RANBP2: variants seen among roughly 807,000 people sequenced by gnomAD.
RANBP2 encodes E3 SUMO-protein ligase RanBP2.
A neutral mutation model predicts 303.6 loss-of-function variants in RANBP2; 57 were observed. The observed-to-expected ratio is 0.19, with a 90% CI of 0.15 to 0.23. RANBP2 has a LOEUF of 0.23. Ranked by LOEUF, RANBP2 falls within the 10% of genes least tolerant of loss-of-function variation. RANBP2 has a pLI of 1.00. For synonymous variants in RANBP2, 1,167 were observed against 1,301.5 expected, an observed-to-expected ratio of 0.90 and a Z score of 2.23; for missense variants, 3,138 against 3,780.8, an observed-to-expected ratio of 0.83 and a Z score of 4.46.
At chr2:109,461,857 G>A in the RANBP2 span, among the ~76,000 whole-genome samples, 1 of 152,166 alleles carries the variant, frequency 6.6e-6, no homozygotes, top group African/African-American at 2.4e-5. Flanking sequence ...AATTTTGGGG[G>A]TCACTTAATA....
At chr2:109,064,658 T>G in the RANBP2 span, among the ~76,000 whole-genome samples, 5 of 152,210 alleles carry the variant, frequency 3.3e-5, no homozygotes, top group South Asian at 1.0e-3. Context: ...AAAAAGTGGA[T>G]TTTTAAACAG....
At chr2:109,057,680 G>A in the RANBP2 span, among the ~76,000 whole-genome samples, 1 of 152,244 alleles carries the variant, frequency 6.6e-6, no homozygotes, top group South Asian at 2.1e-4. Context: ...CTGTTTCTAA[G>A]TAGAATGCAT....
the RANBP2 span, among the ~76,000 whole-genome samples, chr2:109,086,026 T>C: frequency 2.0e-5 from 3 of 152,252 alleles, no homozygotes; most frequent in African/African-American, 7.2e-5. Flanking sequence ...AATCATACCA[T>C]ATTTGTCCTT....
At chr2:109,185,603 T>C in the RANBP2 span, among the ~76,000 whole-genome samples, 4 of 152,052 alleles carry the variant, frequency 2.6e-5, no homozygotes, top group Non-Finnish European at 4.4e-5. Flanking sequence ...GCCTTTGGGG[T>C]TGGCAGAGAA....
At chr2:108,963,463 G>A in the RANBP2 span, among the ~76,000 whole-genome samples, 1 of 152,154 alleles carries the variant, frequency 6.6e-6, no homozygotes, top group Non-Finnish European at 1.5e-5. Flanking sequence ...GGATTCACGT[G>A]CACTTGTAAG....
At chr2:108,889,559 T>TC in the RANBP2 span, among the ~76,000 whole-genome samples, 4 of 151,714 alleles carry the variant, frequency 2.6e-5, no homozygotes, top group Non-Finnish European at 5.9e-5. Context: ...TCTTTTCTTT[T>TC]TTTTTTTTCA....
At chr2:109,596,074 T>G in the RANBP2 span, among the ~76,000 whole-genome samples, 2 of 152,112 alleles carry the variant, frequency 1.3e-5, no homozygotes, top group African/African-American at 4.8e-5. Context: ...CACTATTGCT[T>G]AAGCTAGAGT....
chr2:109,458,001 G>A, the RANBP2 span, among the ~76,000 whole-genome samples: 1 of 152,148 alleles, frequency 6.6e-6, no homozygotes. Context: ...GCTGGGTTCG[G>A]CATTCTATTT....
the RANBP2 span, among the ~76,000 whole-genome samples, chr2:109,340,267 T>C: frequency 1.3e-5 from 2 of 152,068 alleles, no homozygotes; most frequent in Non-Finnish European, 2.9e-5. Flanking sequence ...GCAGATAATA[T>C]AAGGCCAAGC....
chr2:108,753,647 G>A, intron 14 of RANBP2, 84 bp downstream of exon 14: 1 of 1,594,574 alleles, frequency 6.3e-7, no homozygotes, highest in Non-Finnish European at 8.5e-7. Context: ...TGTTGGTCGG[G>A]CTAGAGTGCA....
the RANBP2 span, among the ~76,000 whole-genome samples, chr2:109,705,157 C>T: frequency 4.6e-5 from 7 of 151,846 alleles, no homozygotes; most frequent in South Asian, 1.5e-3. Flanking sequence ...GTAATCCCAC[C>T]ACTTTGGGAG....
At chr2:109,564,586 C>T in the RANBP2 span, 2 of 1,415,052 alleles carry the variant, frequency 1.4e-6, no homozygotes, top group East Asian at 4.8e-5. Flanking sequence ...ATTCCTGGCA[C>T]ACAACTAAGT....
the RANBP2 span, among the ~76,000 whole-genome samples, chr2:109,167,698 A>T: frequency 2.0e-5 from 3 of 152,146 alleles, no homozygotes. Flanking sequence ...CAGCCTCCCG[A>T]GTAGCTGGGA....
At chr2:108,724,702 CTT>C (rs763816648) in intron 1 of RANBP2, among the ~76,000 whole-genome samples, 1 of 151,964 alleles carries the variant, frequency 6.6e-6, no homozygotes, top group Admixed American at 6.6e-5. Context: ...TTATTCTCCT[CTT>C]TTGTTTGTTC....
the RANBP2 span, chr2:109,545,410 T>C: frequency 6.5e-7 from 1 of 1,535,846 alleles, no homozygotes; most frequent in Non-Finnish European, 8.7e-7. Flanking sequence ...CTTGCGATTA[T>C]CATCCACATG....
chr2:108,974,013 T>C, the RANBP2 span, among the ~76,000 whole-genome samples: 10 of 152,004 alleles, frequency 6.6e-5, no homozygotes, highest in African/African-American at 2.2e-4. Context: ...ATTCTCCAAA[T>C]AGAAATAATA....
At chr2:109,771,639 G>T in the RANBP2 span, among the ~76,000 whole-genome samples, 1 of 20,486 alleles carries the variant, frequency 4.9e-5, no homozygotes, top group South Asian at 3.3e-3. Flanking sequence ...AATATGAACG[G>T]AACACCTGAG....
chr2:109,241,079 T>C, the RANBP2 span, among the ~76,000 whole-genome samples: 2 of 152,200 alleles, frequency 1.3e-5, no homozygotes, highest in Non-Finnish European at 2.9e-5. Context: ...TAAGTGGCCT[T>C]AGTAGTAAGC....
the RANBP2 span, among the ~76,000 whole-genome samples, chr2:109,709,122 G>A: frequency 1.3e-5 from 2 of 151,412 alleles, no homozygotes; most frequent in Non-Finnish European, 2.9e-5. Flanking sequence ...GACCAACATG[G>A]AGAAACCCTG....
Sources: allele counts gnomAD v4.1 joint callset (sites outside exome capture counted in the v4.1 genomes callset), GRCh38; gene constraint gnomAD v4.1.1; transcripts MANE v1.5; gene names NCBI Gene and HGNC (gene_info 2026-07-23, HGNC 2026-07-21).